CHAT: variants seen among roughly 807,000 people sequenced by gnomAD.
The protein encoded by CHAT is acetyl CoA:choline O-acetyltransferase.
A neutral mutation model predicts 76.9 loss-of-function variants in CHAT; 61 were observed. The observed-to-expected ratio is 0.79, with a 90% CI of 0.65 to 0.98. The LOEUF (loss-of-function observed/expected upper bound fraction) is 0.98. Among genes scored for constraint, CHAT ranks in the 50% least tolerant of loss-of-function variants. The probability of loss-of-function intolerance (pLI) is 0.00; values close to 1 mark genes in which losing one functional copy is unlikely to be tolerated. For synonymous variants in CHAT, 407 were observed against 397.4 expected (o/e 1.02, Z -0.29); for missense variants, 946 against 986.9 (o/e 0.96, Z 0.56).
At chr10:49,611,410 G>T (rs867077697), upstream of CHAT, 1 of 1,597,904 alleles carries the variant, frequency 6.3e-7, no homozygotes, top group African/African-American at 1.3e-5. Flanking sequence ...CATTAGCTTC[G>T]GAAGCCTAGT....
chr10:49,620,829 T>C (rs565268574), intron 4 of CHAT, among the ~76,000 whole-genome samples: 1 of 152,322 alleles, frequency 6.6e-6, no homozygotes, highest in South Asian at 2.1e-4. Flanking sequence ...TTAGTCTATA[T>C]TTATCTTGCA....
intron 5 of CHAT, among the ~76,000 whole-genome samples, chr10:49,622,539 G>A (rs1391373583): frequency 6.6e-6 from 1 of 152,228 alleles, no homozygotes; most frequent in Non-Finnish European, 1.5e-5. Flanking sequence ...GCGGGAGACT[G>A]TATCCTCAAT....
intron 12 of CHAT, 39 bp from the exon 13 acceptor site, chr10:49,655,347 C>T: frequency 6.2e-7 from 1 of 1,613,494 alleles, no homozygotes; most frequent in Non-Finnish European, 8.5e-7. Context: ...CTCCAAGCAG[C>T]CTTTTAAACC....
chr10:49,622,028 A>C, intron 4 of CHAT, 69 bp from the exon 5 acceptor site: 6 of 1,534,582 alleles, frequency 3.9e-6, no homozygotes, highest in Non-Finnish European at 4.5e-6. Flanking sequence ...GAGGGGAGGC[A>C]GAAGGGAGGG....
At chr10:49,612,069 G>T, upstream of CHAT, 1 of 1,613,538 alleles carries the variant, frequency 6.2e-7, no homozygotes, top group Non-Finnish European at 8.5e-7. Context: ...GCCACATTGT[G>T]CACTCGCTGG....
At position 49,619,909 on chromosome 10, in the gene CHAT, C is replaced by A. The variant is rs1423362546; in HGVS notation, c.572C>A (p.Ala191Asp). Residue 191 changes from alanine to aspartate, a missense_variant, in exon 3 of 15, where the codon GCC (alanine) becomes GAC (aspartate). Coordinates refer to ENST00000337653, the MANE Select transcript of CHAT (RefSeq NM_020549.5). Reference protein sequence around the residue: ...QKLLERQEKTANWVSEYWLND... With the variant: ...QKLLERQEKTDNWVSEYWLND... ...CTCCTGGAGCGGCAGGAGAAGACAG[C>A]CAACTGGGTAAGAGGGGCAGACAAG... The A allele has an allele frequency of 1.2e-6, 2 of 1,611,148 alleles. No individual in the cohort carries two copies. Among genetic ancestry groups the A allele is most frequent in the Non-Finnish European group, 1.7e-6 (2 of 1,179,080 alleles).
intron 7 of CHAT, among the ~76,000 whole-genome samples, chr10:49,639,333 A>G (rs1839399608): frequency 6.6e-6 from 1 of 152,092 alleles, no homozygotes; most frequent in East Asian, 1.9e-4. Context: ...AGTTTTCCTC[A>G]TATGAAAATG....
At chr10:49,662,465 C>T (rs1590628107) in intron 13 of CHAT, among the ~76,000 whole-genome samples, 180 bp from the exon 14 acceptor site, 1 of 152,226 alleles carries the variant, frequency 6.6e-6, no homozygotes, top group Non-Finnish European at 1.5e-5. Context: ...GGAGCAGAGG[C>T]CGCATGGTAG....
chr10:49,645,453 C>T (rs1839627269), intron 7 of CHAT, among the ~76,000 whole-genome samples: 1 of 152,206 alleles, frequency 6.6e-6, no homozygotes, highest in African/African-American at 2.4e-5. Flanking sequence ...AACCAAGAGG[C>T]AGGCTGTGTA....
At position 49,665,006 on chromosome 10, in the gene CHAT, A is replaced by C. The variant is rs1207314431; in HGVS notation, c.2207A>C (p.Lys736Thr). ...PPTESKPLAT[K>T]EKATRPSQGH... The stretch of plus-strand genomic sequence containing the variant: ...ACTGAGAGCAAGCCATTGGCAACAA[A>C]GGAAAAAGCCACGAGGCCCAGCCAG... The change falls in exon 15 of 15, where the codon AAG becomes ACG. Residue 736 changes from lysine (K) to threonine (T), a missense_variant. By Grantham distance (78) the Lys-to-Thr change is moderately conservative (BLOSUM62 -1). This residue lies in a region of CHAT where 349 missense variants were observed against 393.9 expected (regional missense o/e 0.89). Coordinates refer to ENST00000337653, the MANE Select transcript of CHAT (RefSeq NM_020549.5). The C allele has an allele frequency of 6.2e-7, 1 of 1,614,216 alleles. No individual in the cohort carries two copies. The highest frequency in any genetic ancestry group is 2.2e-5 in the East Asian group (1 of 44,884).
At position 49,614,334 on chromosome 10, in the gene CHAT, G is replaced by C; in HGVS notation, c.145G>C (p.Gly49Arg). 1.3e-6 allele frequency: 2 copies of C among 1,547,364 alleles called. No individual in the cohort carries two copies. Among genetic ancestry groups the C allele is most frequent in the Non-Finnish European group, 1.7e-6 (2 of 1,146,150 alleles). ...TGGCCGCGGGGACCCGGGCGACGTC[G>C]GAGGCCCTGCCGGGAACCCAGGCTG... ...SGGRGDPGDV[G>R]GPAGNPGCSP... is the part of the protein sequence containing the mutation. The change falls in exon 1 of 15, where the codon GGA becomes CGA. Residue 49 changes from glycine to arginine, a missense_variant. Transcript: ENST00000337653.
At chr10:49,636,825 G>A (rs886395603) in intron 7 of CHAT, among the ~76,000 whole-genome samples, 4 of 152,130 alleles carry the variant, frequency 2.6e-5, no homozygotes, top group African/African-American at 7.2e-5. Context: ...CAGCATAAAC[G>A]GGTTAATAAT....
chr10:49,621,993 G>A (rs1838735317), intron 4 of CHAT, 104 bp from the exon 5 acceptor site: 3 of 1,307,140 alleles, frequency 2.3e-6, no homozygotes, highest in African/African-American at 1.4e-5. Flanking sequence ...GAAGAGGAAG[G>A]AGATGGAAGG....
At position 49,648,726 on chromosome 10, in the gene CHAT, T is replaced by TACACACACACAC. The variant is rs10580502; in HGVS notation, c.1382+140_1382+151dup. The TACACACACACAC allele has an allele frequency of 9.6e-4, 561 of 584,090 alleles. 2 individuals are homozygous for TACACACACACAC. Among genetic ancestry groups the TACACACACACAC allele is most frequent in the African/African-American group, 9.5e-3 (506 of 53,254 alleles). The allele number at this position is 584,090 out of a possible 1,614,324, so 36.2% of individuals were successfully genotyped here. A position where few individuals can be genotyped will look rare whatever the true frequency, so the allele number is the denominator to read the frequency against. On this transcript the variant is annotated intron_variant, in intron 9 of 14. Coordinates refer to ENST00000337653, the MANE Select transcript of CHAT (RefSeq NM_020549.5). ...ATGAATTTGAAAAAAATGTGTACTA[T>TACACACACACAC]ACACACACACACACACACACACACA...
chr10:49,638,705 C>A (rs1389474216), intron 7 of CHAT, among the ~76,000 whole-genome samples: 1 of 152,060 alleles, frequency 6.6e-6, no homozygotes, highest in African/African-American at 2.4e-5. Context: ...GAAAGCTTAC[C>A]ACCTTTTATT....
At chr10:49,611,427 G>T (rs755075120), upstream of CHAT, 47 of 1,597,494 alleles carry the variant, frequency 2.9e-5, no homozygotes, top group Middle Eastern at 4.9e-4. Context: ...TAGTGGCCCC[G>T]CCCTTCGGGG....
At position 49,627,754 on chromosome 10, in the gene CHAT, G is replaced by A. The variant is rs931112274; in HGVS notation, c.1080G>A (p.Glu360=). The change falls in exon 7 of 15, where the codon GAG becomes GAA. Residue 360 remains glutamate (E), a synonymous_variant. Coordinates refer to ENST00000337653, the MANE Select transcript of CHAT (RefSeq NM_020549.5). ...IGLLTSDGRS[E]WAEARTVLVK... ...TGCTGACGTCTGACGGGAGGAGCGA[G>A]TGGGCCGAGGCCAGGACGGTCCTCG... 3 of 1,613,878 alleles carry A rather than the reference G, an allele frequency of 1.9e-6. No homozygotes were observed. The highest frequency in any genetic ancestry group is 2.5e-6 in the Non-Finnish European group (3 of 1,179,896).
chr10:49,639,963 G>C (rs1035132946), intron 7 of CHAT, among the ~76,000 whole-genome samples: 1 of 152,116 alleles, frequency 6.6e-6, no homozygotes, highest in Non-Finnish European at 1.5e-5. Context: ...AGGTTCTGCT[G>C]TTGAGTCCAT....
intron 7 of CHAT, among the ~76,000 whole-genome samples, chr10:49,631,401 G>A (rs1167206661): frequency 6.6e-6 from 1 of 152,154 alleles, no homozygotes; most frequent in Non-Finnish European, 1.5e-5. Context: ...CAGTCATATG[G>A]GATTAGGCTT....
Sources: gnomAD v4.1 joint callset for allele counts (sites outside exome capture counted in the v4.1 genomes callset) on GRCh38, gnomAD v4.1.1 for gene constraint, gnomAD v4.1.1 regional missense constraint, MANE v1.5 for transcripts, NCBI Gene and HGNC (gene_info 2026-07-23, HGNC 2026-07-21) for gene names.